The following ARHGAP12 variants were observed in gnomAD, a reference collection of about 807,000 sequenced individuals.
The protein encoded by ARHGAP12 is Rho GTPase activating protein 12.
A neutral mutation model predicts 108.6 loss-of-function variants in ARHGAP12; 64 were observed. The observed-to-expected ratio is 0.59, with a 90% CI of 0.48 to 0.73. ARHGAP12 has a LOEUF of 0.73. Ranked by LOEUF, ARHGAP12 falls within the 30% of genes least tolerant of loss-of-function variation. ARHGAP12 has a pLI of 0.00. For synonymous variants in ARHGAP12, 312 were observed against 337.2 expected (o/e 0.93, Z 0.82); for missense variants, 940 against 1,005.9 (o/e 0.93, Z 0.89).
At chr10:31,911,762 G>A (rs148538911) in intron 1 of ARHGAP12, among the ~76,000 whole-genome samples, 2 of 152,220 alleles carry the variant, frequency 1.3e-5, no homozygotes, top group South Asian at 2.1e-4. Context: ...TGTCACCTAC[G>A]TTATATTCTT....
chr10:31,892,814 ATCGT>A (rs1423289346), intron 3 of ARHGAP12, among the ~76,000 whole-genome samples: 2 of 151,360 alleles, frequency 1.3e-5, no homozygotes, highest in Non-Finnish European at 3.0e-5. Flanking sequence ...TTCTCAGCAC[ATCGT>A]ACTTATTCCA....
chr10:31,928,297 TCA>T (rs1308970063), intron 1 of ARHGAP12, among the ~76,000 whole-genome samples: 1 of 134,224 alleles, frequency 7.5e-6, no homozygotes, highest in African/African-American at 2.7e-5. Flanking sequence ...TCTCCCGCAC[TCA>T]CACACACACC....
chr10:31,898,010 G>T (rs926906986), intron 3 of ARHGAP12, among the ~76,000 whole-genome samples: 25 of 152,110 alleles, frequency 1.6e-4, no homozygotes, highest in Non-Finnish European at 2.8e-4. Context: ...TGCTGTCCCA[G>T]CTACTTGGGA....
At chr10:31,928,832 A>T (rs1840189511), upstream of ARHGAP12, 3 of 151,408 alleles carry the variant, frequency 2.0e-5, no homozygotes, top group Non-Finnish European at 4.4e-5. Flanking sequence ...GGTAAGTTAC[A>T]GGGCACGTCG....
intron 1 of ARHGAP12, among the ~76,000 whole-genome samples, chr10:31,912,108 G>A (rs909585838): frequency 4.6e-5 from 7 of 152,088 alleles, no homozygotes; most frequent in African/African-American, 1.4e-4. Context: ...TTACCAGAAC[G>A]CTAGTCACTA....
At chr10:31,845,359 T>C (rs1026340875) in intron 6 of ARHGAP12, among the ~76,000 whole-genome samples, 1 of 152,210 alleles carries the variant, frequency 6.6e-6, no homozygotes, top group Non-Finnish European at 1.5e-5. Context: ...AATTGTTGAA[T>C]AGAAGCGTGA....
At chr10:31,893,983 T>C (rs1255741049) in intron 3 of ARHGAP12, among the ~76,000 whole-genome samples, 2 of 151,978 alleles carry the variant, frequency 1.3e-5, no homozygotes, top group African/African-American at 4.8e-5. Flanking sequence ...ATAAACAGAA[T>C]CAAAGACAAA....
intron 3 of ARHGAP12, among the ~76,000 whole-genome samples, chr10:31,868,725 C>CAGT (rs1837426207): frequency 6.6e-6 from 1 of 151,770 alleles, no homozygotes; most frequent in African/African-American, 2.4e-5. Context: ...CACTTGAGCC[C>CAGT]AGTAGTTCAA....
intron 4 of ARHGAP12, 106 bp downstream of exon 4, chr10:31,861,289 T>C: frequency 7.4e-7 from 1 of 1,350,796 alleles, no homozygotes; most frequent in Non-Finnish European, 1.0e-6. Flanking sequence ...AGATCACGTG[T>C]TTTAACATGC....
At chr10:31,830,331 G>A (rs1835788008) in intron 10 of ARHGAP12, among the ~76,000 whole-genome samples, 1 of 152,024 alleles carries the variant, frequency 6.6e-6, no homozygotes, top group Admixed American at 6.6e-5. Context: ...TGATGGAATA[G>A]ATGATTTCCT....
At position 31,805,690 on chromosome 10, in the gene ARHGAP12, C is replaced by T. The variant is rs1160563126; in HGVS notation, c.*1968G>A. 2 of 127,088 alleles carry T rather than the reference C, an allele frequency of 1.6e-5. No individual in the cohort carries two copies. The highest frequency in any genetic ancestry group is 7.7e-5 in the African/African-American group (2 of 25,950). The allele number at this position is 127,088 out of a possible 1,614,324, so 7.9% of individuals were successfully genotyped here. ...CACACACACACACACACACACGTAC[C>T]TTGAAACAAGAAACACAGGACAATT... is the stretch of plus-strand genomic sequence containing the variant. On this transcript the variant is annotated 3_prime_UTR_variant, in exon 20 of 20. Coordinates refer to ENST00000344936, the MANE Select transcript of ARHGAP12 (RefSeq NM_018287.7).
chr10:31,842,744 A>T (rs1354294125), intron 7 of ARHGAP12, among the ~76,000 whole-genome samples: 1 of 152,134 alleles, frequency 6.6e-6, no homozygotes, highest in Non-Finnish European at 1.5e-5. Context: ...ATGCTACAAG[A>T]AGCCTGATGA....
At chr10:31,876,531 A>C (rs964011093) in intron 3 of ARHGAP12, among the ~76,000 whole-genome samples, 1 of 144,074 alleles carries the variant, frequency 6.9e-6, no homozygotes, top group Admixed American at 7.1e-5. Context: ...AACAAAAACA[A>C]AAACAAAAAA....
chr10:31,910,464 C>G (rs192885689), intron 2 of ARHGAP12, 61 bp downstream of exon 2: 1 of 152,018 alleles, frequency 6.6e-6, no homozygotes, highest in East Asian at 1.9e-4. Flanking sequence ...AATTTACTTT[C>G]TAGACAAACT....
intron 3 of ARHGAP12, among the ~76,000 whole-genome samples, chr10:31,865,039 T>C (rs1266709763): frequency 6.6e-6 from 1 of 152,118 alleles, no homozygotes; most frequent in Non-Finnish European, 1.5e-5. Context: ...AAAAACAGCA[T>C]GGTACTTTCA....
At chr10:31,830,989 A>T (rs1835811638) in intron 10 of ARHGAP12, among the ~76,000 whole-genome samples, 1 of 152,258 alleles carries the variant, frequency 6.6e-6, no homozygotes, top group Non-Finnish European at 1.5e-5. Flanking sequence ...TGTCGAAATG[A>T]CTTTGCAAGT....
intron 3 of ARHGAP12, among the ~76,000 whole-genome samples, chr10:31,878,005 G>A (rs902994234): frequency 1.3e-5 from 2 of 152,106 alleles, no homozygotes; most frequent in African/African-American, 4.8e-5. Flanking sequence ...GATCACCTGA[G>A]CCTGGGAAGT....
chr10:31,907,244 G>A (rs2132452155), intron 3 of ARHGAP12, among the ~76,000 whole-genome samples: 1 of 151,902 alleles, frequency 6.6e-6, no homozygotes, highest in African/African-American at 2.4e-5. Context: ...ATATATTCAA[G>A]TTTCAATTTC....
chr10:31,849,176 A>G (rs897447290), intron 6 of ARHGAP12, among the ~76,000 whole-genome samples: 7 of 152,154 alleles, frequency 4.6e-5, no homozygotes, highest in African/African-American at 1.7e-4. Context: ...ACTGAACAGC[A>G]GACTTCATTT....
Sources: allele counts gnomAD v4.1 joint callset (sites outside exome capture counted in the v4.1 genomes callset), GRCh38; gene constraint gnomAD v4.1.1; transcripts MANE v1.5; gene names NCBI Gene and HGNC (gene_info 2026-07-23, HGNC 2026-07-21).